NAALADL2: variants seen among roughly 807,000 people sequenced by gnomAD.
The protein encoded by NAALADL2 is inactive N-acetylated-alpha-linked acidic dipeptidase-like protein 2.
In NAALADL2, 76 loss-of-function variants were observed where a neutral mutation model predicts 87.2. The ratio of observed to expected loss-of-function variants is 0.87; its 90% CI spans 0.72 to 1.05. NAALADL2 has a LOEUF of 1.05. Among genes scored for constraint, NAALADL2 ranks in the 50% least tolerant of loss-of-function variants. The pLI is 0.00. For synonymous variants in NAALADL2, 354 were observed against 331.0 expected (o/e 1.07, Z -0.75); for missense variants, 1,089 against 945.8 (o/e 1.15, Z -1.99).
At chr3:174,541,496 AAC>A (rs1259048839) in intron 1 of NAALADL2, among the ~76,000 whole-genome samples, 8 of 152,230 alleles carry the variant, frequency 5.3e-5, no homozygotes, top group African/African-American at 1.9e-4. Flanking sequence ...CTTTATAAGT[AAC>A]ACATATTGAA....
chr3:175,113,772 A>C (rs1414959375), intron 2 of NAALADL2, among the ~76,000 whole-genome samples: 1 of 151,590 alleles, frequency 6.6e-6, no homozygotes, highest in Non-Finnish European at 1.5e-5. Context: ...TTTATGCTGG[A>C]CAATAAGCAT....
At chr3:174,664,160 A>G (rs1438919495) in intron 2 of NAALADL2, among the ~76,000 whole-genome samples, 1 of 152,206 alleles carries the variant, frequency 6.6e-6, no homozygotes, top group Non-Finnish European at 1.5e-5. Context: ...GAAGTATACC[A>G]CTGCTGAGAA....
At chr3:175,695,241 T>C (rs141998165) in intron 11 of NAALADL2, among the ~76,000 whole-genome samples, 7,477 of 152,258 alleles carry the variant, frequency 0.049, 240 homozygotes, top group South Asian at 0.13. Flanking sequence ...TCCATCAGAA[T>C]ATTCTCAAAC....
At chr3:175,662,458 T>G (rs1367829242) in intron 11 of NAALADL2, among the ~76,000 whole-genome samples, 1 of 152,014 alleles carries the variant, frequency 6.6e-6, no homozygotes, top group African/African-American at 2.4e-5. Flanking sequence ...ACTTTTTCCT[T>G]TCCAATTTGG....
At chr3:175,536,090 A>AT (rs2149456332) in intron 9 of NAALADL2, among the ~76,000 whole-genome samples, 1 of 152,322 alleles carries the variant, frequency 6.6e-6, no homozygotes, top group South Asian at 2.1e-4. Context: ...AACCAGGCAG[A>AT]TTTTAGATTG....
chr3:174,991,069 T>C (rs1394568097), intron 1 of NAALADL2, among the ~76,000 whole-genome samples: 7 of 152,164 alleles, frequency 4.6e-5, no homozygotes, highest in Admixed American at 4.6e-4. Flanking sequence ...CTTTTCCTTG[T>C]AATTAACAGA....
intron 1 of NAALADL2, among the ~76,000 whole-genome samples, chr3:174,882,823 A>T (rs1424702110): frequency 6.8e-6 from 1 of 146,534 alleles, no homozygotes; most frequent in Non-Finnish European, 1.5e-5. Context: ...ATATGTGTAT[A>T]TATACACGTG....
In NAALADL2 at chr3:175,311,210, C is replaced by T. The variant is rs73047243; in HGVS notation, c.940-12965C>T. 4.0e-3 allele frequency among the ~76,000 whole-genome samples: 569 copies of T among 141,264 alleles called. 6 individuals are homozygous for T. The highest frequency in any genetic ancestry group is 0.014 in the African/African-American group (515 of 36,286). The allele number at this position is 141,264 out of a possible 152,430, so 92.7% of individuals were successfully genotyped here. On this transcript the variant is annotated intron_variant, in intron 4 of 13. Coordinates refer to ENST00000454872, the MANE Select transcript of NAALADL2 (RefSeq NM_207015.3). ...GGTCCCCACTCTGGAACTATATACT[C>T]AATCTAGAACATGGATTTTTTTTTT...
At chr3:174,726,962 G>C (rs1437975030) in intron 2 of NAALADL2, among the ~76,000 whole-genome samples, 5 of 152,008 alleles carry the variant, frequency 3.3e-5, no homozygotes, top group East Asian at 3.9e-4. Context: ...TTTGTAAAGA[G>C]AATATGTGGT....
At chr3:175,395,110 T>A (rs1769600331) in intron 5 of NAALADL2, among the ~76,000 whole-genome samples, 1 of 152,074 alleles carries the variant, frequency 6.6e-6, no homozygotes. Flanking sequence ...ACCTGATGAC[T>A]GAGATGGCTA....
At chr3:174,900,901 T>C (rs1732228109) in intron 1 of NAALADL2, among the ~76,000 whole-genome samples, 1 of 152,092 alleles carries the variant, frequency 6.6e-6, no homozygotes, top group African/African-American at 2.4e-5. Context: ...CTATACTTTG[T>C]CATGACTCTT....
intron 1 of NAALADL2, among the ~76,000 whole-genome samples, chr3:174,472,831 G>A (rs1716985299): frequency 6.6e-6 from 1 of 152,062 alleles, no homozygotes; most frequent in African/African-American, 2.4e-5. Context: ...GTGTTGTTCA[G>A]AACCACATGT....
At chr3:174,849,431 T>C (rs1171327183) in intron 3 of NAALADL2, among the ~76,000 whole-genome samples, 4 of 151,720 alleles carry the variant, frequency 2.6e-5, no homozygotes, top group African/African-American at 7.3e-5. Context: ...AAATTTTCAA[T>C]TTTTTTTGCT....
At chr3:175,233,782 G>A in intron 2 of NAALADL2, 149 bp from the exon 3 acceptor site, 1 of 599,210 alleles carries the variant, frequency 1.7e-6, no homozygotes, top group South Asian at 2.1e-5. Flanking sequence ...TTTGTTTTGT[G>A]TTTATGTTTC....
chr3:175,379,528 T>C (rs548476495), intron 5 of NAALADL2, among the ~76,000 whole-genome samples: 54 of 151,960 alleles, frequency 3.6e-4, no homozygotes, highest in Non-Finnish European at 7.2e-4. Context: ...CCACATCTTT[T>C]TGTTTTTTTT....
chr3:175,121,287 G>A (rs983711114), intron 2 of NAALADL2, among the ~76,000 whole-genome samples: 7 of 151,800 alleles, frequency 4.6e-5, no homozygotes, highest in Non-Finnish European at 7.4e-5. Context: ...TAGGTTCTTT[G>A]TCTTGGGCTT....
In NAALADL2 at chr3:175,348,646, T is replaced by A. The variant is rs146258163; in HGVS notation, c.1090+24321T>A. ...TGCCTCACTCTAATTTCTGCCTCCA[T>A]CTCCCCATGGCTGTGTTCCTTCTGT... On this transcript the variant is annotated intron_variant, in intron 5 of 13. Transcript: ENST00000454872. Among the ~76,000 whole-genome samples, 658 of 152,224 alleles carry A rather than the reference T, an allele frequency of 4.3e-3. 4 individuals are homozygous for A. Among genetic ancestry groups the A allele is most frequent in the Middle Eastern group, 0.01 (3 of 294 alleles).
chr3:174,659,064 G>A (rs887553400), intron 2 of NAALADL2, among the ~76,000 whole-genome samples: 2 of 152,040 alleles, frequency 1.3e-5, no homozygotes, highest in African/African-American at 4.8e-5. Flanking sequence ...TTAGAGTTAA[G>A]GGTAGTGATT....
At chr3:174,838,352 T>A (rs1245770139) in intron 3 of NAALADL2, among the ~76,000 whole-genome samples, 1 of 152,152 alleles carries the variant, frequency 6.6e-6, no homozygotes, top group African/African-American at 2.4e-5. Flanking sequence ...CTCAAGGTAA[T>A]AGAAGCCACC....
Sources: gnomAD v4.1 joint callset for allele counts (sites outside exome capture counted in the v4.1 genomes callset) on GRCh38, gnomAD v4.1.1 for gene constraint, MANE v1.5 for transcripts, NCBI Gene and HGNC (gene_info 2026-07-23, HGNC 2026-07-21) for gene names.